TACR1: variants seen among roughly 807,000 people sequenced by gnomAD.
TACR1 encodes the protein tachykinin receptor 1.
In TACR1, 25 loss-of-function variants were observed where a neutral mutation model predicts 35.8. The ratio of observed to expected loss-of-function variants is 0.70; its 90% confidence interval spans 0.51 to 0.98. The LOEUF (loss-of-function observed/expected upper bound fraction) is 0.98. Among genes scored for constraint, TACR1 ranks in the 50% least tolerant of loss-of-function variants. TACR1 has a pLI of 0.00. For missense variants in TACR1, 478 were observed against 522.9 expected (o/e 0.91, Z 0.84); for synonymous variants, 195 against 206.7 (o/e 0.94, Z 0.48).
chr2:75,154,498 AC>A, intron 1 of TACR1: 1 of 130,334 alleles, frequency 7.7e-6, no homozygotes, highest in Non-Finnish European at 1.6e-5. Flanking sequence ...CCACACACAC[AC>A]ACACACACAC....
chr2:75,115,352 AG>A (rs1673830930), intron 2 of TACR1, among the ~76,000 whole-genome samples: 1 of 152,160 alleles, frequency 6.6e-6, no homozygotes, highest in Non-Finnish European at 1.5e-5. Context: ...TTTGCTGGTG[AG>A]GTTGTGGAGA....
intron 2 of TACR1, among the ~76,000 whole-genome samples, chr2:75,107,300 C>CA (rs1673669199): frequency 6.6e-6 from 1 of 151,968 alleles, no homozygotes; most frequent in African/African-American, 2.4e-5. Context: ...GTATCACTCT[C>CA]ACTCTATGAT....
chr2:75,082,701 C>G (rs978712896), intron 2 of TACR1, among the ~76,000 whole-genome samples: 3 of 152,158 alleles, frequency 2.0e-5, no homozygotes, highest in Non-Finnish European at 4.4e-5. Context: ...TTTCATGTGT[C>G]TTTTGGCTGC....
At chr2:75,198,514 C>G (rs1485561779) in intron 1 of TACR1, 32 bp downstream of exon 1, 2 of 1,603,752 alleles carry the variant, frequency 1.2e-6, no homozygotes, top group Non-Finnish European at 8.5e-7. Context: ...TCTATGAGCA[C>G]TTTCTCGCCT....
intron 2 of TACR1, among the ~76,000 whole-genome samples, chr2:75,095,568 G>A (rs969606077): frequency 2.0e-5 from 3 of 152,138 alleles, no homozygotes; most frequent in Non-Finnish European, 2.9e-5. Flanking sequence ...TTGCAAAAGT[G>A]GGCACTGTTG....
At chr2:75,052,757 C>CTG (rs368836930) in intron 3 of TACR1, among the ~76,000 whole-genome samples, 11 of 151,498 alleles carry the variant, frequency 7.3e-5, no homozygotes, top group Non-Finnish European at 1.2e-4. Context: ...GTATGCATAT[C>CTG]TGTGTGTGTG....
At chr2:75,100,141 G>A (rs188839831) in intron 2 of TACR1, among the ~76,000 whole-genome samples, 1 of 152,184 alleles carries the variant, frequency 6.6e-6, no homozygotes, top group African/African-American at 2.4e-5. Flanking sequence ...CAGAGAGGCA[G>A]GATGATGTAG....
chr2:75,164,093 C>T (rs896323512), intron 1 of TACR1, among the ~76,000 whole-genome samples: 16 of 151,862 alleles, frequency 1.1e-4, no homozygotes, highest in African/African-American at 1.9e-4. Flanking sequence ...TTTGGGAGGC[C>T]GAGGCGGATG....
intron 2 of TACR1, among the ~76,000 whole-genome samples, chr2:75,065,424 T>A (rs927818346): frequency 6.6e-6 from 1 of 152,206 alleles, no homozygotes; most frequent in Non-Finnish European, 1.5e-5. Flanking sequence ...TGGGTACTGA[T>A]ACATGTTTTG....
At chr2:75,168,665 G>T (rs558534140) in intron 1 of TACR1, among the ~76,000 whole-genome samples, 1 of 152,192 alleles carries the variant, frequency 6.6e-6, no homozygotes, top group African/African-American at 2.4e-5. Context: ...ATACGTTTGG[G>T]TTGTTTCAAG....
chr2:75,186,303 CG>C (rs1675695906), intron 1 of TACR1, among the ~76,000 whole-genome samples: 1 of 137,426 alleles, frequency 7.3e-6, no homozygotes, highest in Non-Finnish European at 1.5e-5. Context: ...ACCTGGGAGG[CG>C]GAAGTTGCAG....
chr2:75,115,681 T>C (rs1006885419), intron 2 of TACR1, among the ~76,000 whole-genome samples: 20 of 151,278 alleles, frequency 1.3e-4, no homozygotes, highest in Non-Finnish European at 7.4e-5. Flanking sequence ...CCGAGGCGGG[T>C]GGATCACGAG....
In TACR1 at chr2:75,178,461, A is replaced by G. The variant is rs1400758244; in HGVS notation, c.389+20085T>C. Among the ~76,000 whole-genome samples, 3 of 151,666 alleles carry G rather than the reference A, an allele frequency of 2.0e-5. No homozygotes were observed. The South Asian group carries it at 6.4e-4, about 33-fold the overall frequency. ...CAGCCTCCCAAAGTGCTGGGATTAC[A>G]GGCGTGAGCCACTGCACCTGACAAT... On this transcript the variant is annotated intron_variant, in intron 1 of 4. Coordinates refer to ENST00000305249, the MANE Select transcript of TACR1 (RefSeq NM_001058.4).
intron 2 of TACR1, among the ~76,000 whole-genome samples, chr2:75,098,646 C>T (rs1281439082): frequency 1.3e-5 from 2 of 152,096 alleles, no homozygotes; most frequent in African/African-American, 4.8e-5. Context: ...AAACCCACAT[C>T]CCTACCAGCC....
At chr2:75,128,654 A>G (rs1315142119) in intron 1 of TACR1, among the ~76,000 whole-genome samples, 1 of 151,862 alleles carries the variant, frequency 6.6e-6, no homozygotes, top group African/African-American at 2.4e-5. Flanking sequence ...CAGAGCGCGC[A>G]TTTTTTTCTC....
chr2:75,147,236 G>A (rs1674533010), intron 1 of TACR1, among the ~76,000 whole-genome samples: 1 of 152,174 alleles, frequency 6.6e-6, no homozygotes, highest in South Asian at 2.1e-4. Context: ...CTTGGCACAT[G>A]GCCAAAACCA....
intron 2 of TACR1, among the ~76,000 whole-genome samples, chr2:75,102,203 A>G (rs1280161445): frequency 6.6e-6 from 1 of 152,146 alleles, no homozygotes; most frequent in Non-Finnish European, 1.5e-5. Flanking sequence ...AGATAAGTGA[A>G]TAAGGCTTCC....
chr2:75,192,699 TG>T (rs1675878450), intron 1 of TACR1, among the ~76,000 whole-genome samples: 1 of 152,136 alleles, frequency 6.6e-6, no homozygotes, highest in African/African-American at 2.4e-5. Context: ...GCAAATTGCA[TG>T]GGTCTTCAAG....
At chr2:75,121,557 C>T (rs572028329) in intron 1 of TACR1, among the ~76,000 whole-genome samples, 1 of 152,212 alleles carries the variant, frequency 6.6e-6, no homozygotes, top group East Asian at 1.9e-4. Flanking sequence ...TGAATGTGTC[C>T]ACATGTTTGA....
Sources: gnomAD v4.1 joint callset for allele counts (sites outside exome capture counted in the v4.1 genomes callset) on GRCh38, gnomAD v4.1.1 for gene constraint, MANE v1.5 for transcripts, NCBI Gene and HGNC (gene_info 2026-07-23, HGNC 2026-07-21) for gene names.